The following ABHD2 variants were observed in gnomAD, a reference collection of about 807,000 sequenced individuals.
ABHD2 encodes abhydrolase domain containing 2, acylglycerol lipase, also known as monoacylglycerol lipase ABHD2.
Under a neutral mutation model 48.1 loss-of-function variants are expected in ABHD2, and 20 were observed. That is an observed-to-expected ratio of 0.42 (90% CI 0.29 to 0.60). The LOEUF is 0.60. ABHD2 is among the 20% of genes least tolerant of loss of function. ABHD2 has a pLI of 0.24. For synonymous variants in ABHD2, 209 were observed against 214.2 expected (o/e 0.98, Z 0.21); for missense variants, 405 against 550.9 (o/e 0.74, Z 2.65).
In ABHD2 at chr15:89,164,474, TGAG is replaced by T. The variant is rs2050807554; in HGVS notation, c.538+8941_538+8943del. ...GGTTTGACTGCCTGGTCGAGAAAGC[TGAG>T]AAAGACTGTTAAGAAATTTGGCAAT... On this transcript the variant is annotated intron_variant, in intron 5 of 10. Coordinates refer to ENST00000352732, the MANE Select transcript of ABHD2 (RefSeq NM_152924.5). The surrounding 1 kb of genome is among the most constrained non-coding windows in gnomAD (Gnocchi z 5.0). Among the ~76,000 whole-genome samples, 1 of 151,658 alleles carries T rather than the reference TGAG, an allele frequency of 6.6e-6. No homozygotes were observed. The highest frequency in any genetic ancestry group is 1.5e-5 in the Non-Finnish European group (1 of 67,916).
chr15:89,180,581 C>T (rs1359137981), intron 6 of ABHD2, among the ~76,000 whole-genome samples: 1 of 152,226 alleles, frequency 6.6e-6, no homozygotes, highest in African/African-American at 2.4e-5. Context: ...TTGACTCTGC[C>T]CCTGAAGGGC....
At chr15:89,058,789 C>T in the ABHD2 span, among the ~76,000 whole-genome samples, 1 of 152,298 alleles carries the variant, frequency 6.6e-6, no homozygotes, top group Non-Finnish European at 1.5e-5. Flanking sequence ...GCCCTTGAAG[C>T]CTTTCTCTTT....
chr15:89,180,179 C>T (rs1267717527), intron 6 of ABHD2, among the ~76,000 whole-genome samples: 1 of 152,128 alleles, frequency 6.6e-6, no homozygotes, highest in African/African-American at 2.4e-5. Flanking sequence ...GGAACCTCAC[C>T]CTGGGAAACA....
rs973771672 is a variant in ABHD2, at chr15:89,196,062, C to A, written c.*639C>A. On this transcript the variant is annotated 3_prime_UTR_variant, in exon 11 of 11. Coordinates refer to ENST00000352732, the MANE Select transcript of ABHD2 (RefSeq NM_152924.5). ...TTGTTAAAAATTCAGCCTCCCAGGT[C>A]CCTCCCCTCGGAGAGGCTGATTCAC... The A allele has an allele frequency of 6.6e-6, 1 of 152,610 alleles. No homozygotes were observed. Among genetic ancestry groups the A allele is most frequent in the African/African-American group, 2.4e-5 (1 of 41,448 alleles). The allele number at this position is 152,610 out of a possible 1,614,324, so 9.5% of individuals were successfully genotyped here.
rs1169778017 is a variant in ABHD2, at chr15:89,174,467, T to C, written c.539-1345T>C. Among the ~76,000 whole-genome samples the C allele has an allele frequency of 2.6e-5, 4 of 152,342 alleles. No individual in the cohort carries two copies. Among genetic ancestry groups the C allele is most frequent in the Middle Eastern group, 3.4e-3 (1 of 294 alleles). On this transcript the variant is annotated intron_variant, in intron 5 of 10. Transcript: ENST00000352732. The surrounding 1 kb of genome is among the most constrained non-coding windows in gnomAD (Gnocchi z 4.1). ...CAGGTGATTCTATGCACACTGCAGC[T>C]TAAGAACTGCATGGGGCTGTGCCGG... is the stretch of plus-strand genomic sequence containing the variant.
chr15:89,068,862 G>A, the ABHD2 span, among the ~76,000 whole-genome samples: 6 of 129,798 alleles, frequency 4.6e-5, no homozygotes, highest in South Asian at 2.6e-4. Flanking sequence ...TCCACCTCCC[G>A]GGTTCAAGTG....
intron 3 of ABHD2, among the ~76,000 whole-genome samples, chr15:89,122,664 C>G (rs1215809084): frequency 6.6e-6 from 1 of 152,228 alleles, no homozygotes; most frequent in African/African-American, 2.4e-5. Context: ...TCCACCCTTC[C>G]CTCTGGGCCT....
At chr15:89,050,250 G>A in the ABHD2 span, among the ~76,000 whole-genome samples, 9 of 152,296 alleles carry the variant, frequency 5.9e-5, no homozygotes, top group South Asian at 1.0e-3. Flanking sequence ...GATCACAGAA[G>A]AGTGTCATGG....
In ABHD2 at chr15:89,182,597, T is replaced by A. The variant is rs1464557034; in HGVS notation, c.723-2827T>A. On this transcript the variant is annotated intron_variant, in intron 6 of 10. Coordinates refer to ENST00000352732, the MANE Select transcript of ABHD2 (RefSeq NM_152924.5). This position sits in a 1 kb window ranked among gnomAD's most constrained non-coding sequence, Gnocchi z 4.8. ...TGAGGTCAGGAGTTCTAGACCACCCTGGCCAACATGACGAAACCCCGTATT... is the reference window on the plus strand; with the variant it reads ...TGAGGTCAGGAGTTCTAGACCACCCAGGCCAACATGACGAAACCCCGTATT... Among the ~76,000 whole-genome samples, 1 of 152,118 alleles carries A rather than the reference T, an allele frequency of 6.6e-6. No homozygotes were observed. The highest frequency in any genetic ancestry group is 1.9e-4 in the East Asian group (1 of 5,200).
chr15:89,163,804 T>C (rs887268118), intron 5 of ABHD2, among the ~76,000 whole-genome samples: 2 of 152,214 alleles, frequency 1.3e-5, no homozygotes, highest in African/African-American at 4.8e-5. Context: ...GTAGGATATA[T>C]TAAATCAGTC....
chr15:89,155,631 C>T lies in ABHD2; in HGVS notation c.538+97C>T, dbSNP rs2050660751. 7 of 1,437,188 alleles carry T rather than the reference C, an allele frequency of 4.9e-6. No homozygotes were observed. Among genetic ancestry groups the T allele is most frequent in the Middle Eastern group, 2.3e-4 (1 of 4,296 alleles). The allele number at this position is 1,437,188 out of a possible 1,614,324, so 89.0% of individuals were successfully genotyped here. On this transcript the variant is annotated intron_variant, in intron 5 of 10. Transcript: ENST00000352732. The surrounding 1 kb of genome is among the most constrained non-coding windows in gnomAD (Gnocchi z 4.9). ...TCTTTTTTTAAGTTTTAAACCTATG[C>T]CCATCTGCAAGAGATGGTAGGTCAC...
chr15:89,114,547 A>ATCTTGGC lies in ABHD2; in HGVS notation c.-7+726_-7+732dup, dbSNP rs2150811147. Among the ~76,000 whole-genome samples the ATCTTGGC allele has an allele frequency of 1.3e-5, 2 of 152,034 alleles. No individual in the cohort carries two copies. Among genetic ancestry groups the ATCTTGGC allele is most frequent in the African/African-American group, 4.8e-5 (2 of 41,474 alleles). On this transcript the variant is annotated intron_variant, in intron 2 of 10. Coordinates refer to ENST00000352732, the MANE Select transcript of ABHD2 (RefSeq NM_152924.5). This position sits in a 1 kb window ranked among gnomAD's most constrained non-coding sequence, Gnocchi z 4.2. ...CCCCAGGCTGGAGTGCAGTGGTGTGATCTTGGCTCACTGCAACCTATGCTT... is the reference window on the plus strand; with the variant it reads ...CCCCAGGCTGGAGTGCAGTGGTGTGATCTTGGCTCTTGGCTCACTGCAACCTATGCTT...
intron 5 of ABHD2, among the ~76,000 whole-genome samples, chr15:89,160,653 A>G (rs973471327): frequency 1.3e-5 from 2 of 152,268 alleles, no homozygotes; most frequent in Admixed American, 1.3e-4. Context: ...TCCATCCATT[A>G]TGGCTTAGCT....
the ABHD2 span, among the ~76,000 whole-genome samples, chr15:89,073,785 C>T: frequency 6.6e-6 from 1 of 152,176 alleles, no homozygotes; most frequent in South Asian, 2.1e-4. Context: ...CTGTGGATCA[C>T]ACTGAGTAGC....
the ABHD2 span, among the ~76,000 whole-genome samples, chr15:89,056,433 C>T: frequency 1.1e-3 from 173 of 152,092 alleles, no homozygotes; most frequent in Non-Finnish European, 8.2e-4. Context: ...GCACCGGGCA[C>T]AGATCGAGAC....
At chr15:89,059,350 C>T in the ABHD2 span, among the ~76,000 whole-genome samples, 1 of 152,162 alleles carries the variant, frequency 6.6e-6, no homozygotes, top group African/African-American at 2.4e-5. Context: ...CCTGCCTAGA[C>T]CAGACCTGGA....
the ABHD2 span, among the ~76,000 whole-genome samples, chr15:89,067,906 A>G: frequency 6.6e-6 from 1 of 152,180 alleles, no homozygotes; most frequent in Non-Finnish European, 1.5e-5. Flanking sequence ...TGTGTAATGA[A>G]TGAACTCATT....
chr15:89,200,869 G>C lies in ABHD2; in HGVS notation c.*5446G>C, dbSNP rs1048611803. The C allele has an allele frequency of 1.1e-5, 4 of 364,080 alleles. No homozygotes were observed. The highest frequency in any genetic ancestry group is 2.0e-5 in the Non-Finnish European group (4 of 196,698). The allele number at this position is 364,080 out of a possible 1,614,324, so 22.6% of individuals were successfully genotyped here. A position where few individuals can be genotyped will look rare whatever the true frequency, so the allele number is the denominator to read the frequency against. On this transcript the variant is annotated 3_prime_UTR_variant, in exon 11 of 11. Transcript: ENST00000352732. ...GGCCGAGGCGGGTAGATCACCTGAG[G>C]TTAGGAGTTCAAGACCAGCCTGGCC...
chr15:89,142,328 A>C (rs1414745968), intron 3 of ABHD2, among the ~76,000 whole-genome samples: 1 of 152,246 alleles, frequency 6.6e-6, no homozygotes, highest in East Asian at 1.9e-4. Flanking sequence ...GCCGTGTTCA[A>C]AGAAAAAAGG....
Sources: allele counts gnomAD v4.1 joint callset (sites outside exome capture counted in the v4.1 genomes callset), GRCh38; gene constraint gnomAD v4.1.1; non-coding constraint Gnocchi (gnomAD v3.1); transcripts MANE v1.5; gene names NCBI Gene and HGNC (gene_info 2026-07-23, HGNC 2026-07-21).